Variants in NLGN1 observed in about 807,000 individuals in gnomAD.
NLGN1 encodes the protein neuroligin 1.
Under a neutral mutation model 65.5 loss-of-function variants are expected in NLGN1, and 12 were observed. That is an observed-to-expected ratio of 0.18 (90% CI 0.12 to 0.30). The LOEUF (loss-of-function observed/expected upper bound fraction) is 0.30. NLGN1 is among the 10% of genes least tolerant of loss of function. The pLI is 1.00. For synonymous variants in NLGN1, 350 were observed against 359.5 expected, an observed-to-expected ratio of 0.97 and a Z score of 0.30; for missense variants, 750 against 1,007.1, an observed-to-expected ratio of 0.74 and a Z score of 3.46.
chr3:174,233,118 A>C (rs1263349333), intron 4 of NLGN1, among the ~76,000 whole-genome samples: 2 of 152,190 alleles, frequency 1.3e-5, no homozygotes, highest in Non-Finnish European at 2.9e-5. Flanking sequence ...AGACAGGAAG[A>C]TCTTTGCACT....
At chr3:174,136,002 T>C (rs1359123618) in intron 4 of NLGN1, among the ~76,000 whole-genome samples, 2 of 152,162 alleles carry the variant, frequency 1.3e-5, no homozygotes, top group African/African-American at 4.8e-5. Context: ...TCGCTTCTTC[T>C]TTCTGCCTGA....
chr3:173,438,681 T>C (rs1718594840), intron 2 of NLGN1, among the ~76,000 whole-genome samples: 1 of 152,146 alleles, frequency 6.6e-6, no homozygotes, highest in Non-Finnish European at 1.5e-5. Context: ...TTAGGGATCA[T>C]TAATAGTCTC....
chr3:173,790,373 T>C (rs1279431078), intron 3 of NLGN1, among the ~76,000 whole-genome samples: 1 of 152,106 alleles, frequency 6.6e-6, no homozygotes, highest in Non-Finnish European at 1.5e-5. Context: ...ATTGGACAAA[T>C]TTATCATCTT....
chr3:174,004,398 A>G lies in NLGN1; in HGVS notation c.646+196566A>G, dbSNP rs142196958. 2.6e-5 allele frequency among the ~76,000 whole-genome samples: 4 copies of G among 152,226 alleles called. No homozygotes were observed. In the East Asian group the frequency reaches 7.7e-4, roughly 29 times the overall value. On this transcript the variant is annotated intron_variant, in intron 4 of 6. Coordinates refer to ENST00000457714, the Ensembl canonical transcript of NLGN1. ...TAGCTTGTTAGTATTTGTCAAGATA[A>G]TTTTGAATCTTGATTCGGTCACTTC... is the stretch of plus-strand genomic sequence containing the variant.
intron 4 of NLGN1, among the ~76,000 whole-genome samples, chr3:173,858,464 G>A (rs1049431924): frequency 2.6e-5 from 4 of 152,004 alleles, no homozygotes; most frequent in African/African-American, 7.2e-5. Flanking sequence ...TCAAGCCTAT[G>A]TAGGTTCTGG....
At chr3:174,222,313 T>TAA (rs34281910) in intron 4 of NLGN1, among the ~76,000 whole-genome samples, 109,954 of 151,774 alleles carry the variant, frequency 0.72, 39,946 homozygotes, top group East Asian at 0.81. Context: ...ATTATTTTCC[T>TAA]GTTTATTTTG....
chr3:173,653,145 G>T (rs1759480006), intron 3 of NLGN1, among the ~76,000 whole-genome samples: 1 of 152,134 alleles, frequency 6.6e-6, no homozygotes, highest in African/African-American at 2.4e-5. Flanking sequence ...CTTTTGCAAA[G>T]TCGTTAGGGT....
At chr3:173,707,373 T>G (rs1768197838) in intron 3 of NLGN1, among the ~76,000 whole-genome samples, 1 of 152,232 alleles carries the variant, frequency 6.6e-6, no homozygotes, top group African/African-American at 2.4e-5. Flanking sequence ...AACCTCAGTT[T>G]AATTCATCTG....
At chr3:174,288,894 T>A (rs1752427126), downstream of NLGN1, among the ~76,000 whole-genome samples, 1 of 151,546 alleles carries the variant, frequency 6.6e-6, no homozygotes, top group Non-Finnish European at 1.5e-5. Context: ...AAATTCTAAA[T>A]GCACTATTGT....
intron 3 of NLGN1, among the ~76,000 whole-genome samples, chr3:173,630,524 G>A (rs1399344121): frequency 1.3e-5 from 2 of 151,768 alleles, no homozygotes; most frequent in African/African-American, 2.4e-5. Context: ...AAGTGGTCTA[G>A]TATTTTTTTC....
At chr3:174,281,443 G>A (rs1751530402) in exon 7 of NLGN1, 5 of 628,236 alleles carry the variant, frequency 8.0e-6, no homozygotes, top group Admixed American at 3.1e-5. Context: ...AACTTTGGGG[G>A]TTTTGAAAAA....
chr3:173,498,509 A>G (rs951721075), intron 2 of NLGN1, among the ~76,000 whole-genome samples: 9 of 151,912 alleles, frequency 5.9e-5, no homozygotes, highest in African/African-American at 9.7e-5. Flanking sequence ...TGCCGCAATA[A>G]ACATACGTGT....
chr3:173,757,438 G>T (rs565568258), intron 3 of NLGN1, among the ~76,000 whole-genome samples: 1 of 152,012 alleles, frequency 6.6e-6, no homozygotes, highest in Non-Finnish European at 1.5e-5. Flanking sequence ...CATAGGTGAT[G>T]GTGGAGTAAA....
chr3:173,400,519 C>T (rs547468066), intron 1 of NLGN1, among the ~76,000 whole-genome samples: 2 of 152,262 alleles, frequency 1.3e-5, no homozygotes, highest in East Asian at 3.9e-4. Flanking sequence ...TTATGCTAAT[C>T]TTTCTTCATT....
chr3:173,939,528 C>T (rs1260732094), intron 4 of NLGN1, among the ~76,000 whole-genome samples: 1 of 152,086 alleles, frequency 6.6e-6, no homozygotes, highest in Non-Finnish European at 1.5e-5. Flanking sequence ...AATGATCTTC[C>T]TGAGAGGAAA....
intron 3 of NLGN1, among the ~76,000 whole-genome samples, chr3:173,745,289 A>G (rs886979633): frequency 6.6e-6 from 1 of 152,066 alleles, no homozygotes; most frequent in Non-Finnish European, 1.5e-5. Context: ...CTGAAAGAAC[A>G]TTCTTTTCCT....
intron 4 of NLGN1, among the ~76,000 whole-genome samples, chr3:173,852,698 A>G (rs1187693101): frequency 1.3e-5 from 2 of 152,196 alleles, no homozygotes; most frequent in Non-Finnish European, 2.9e-5. Flanking sequence ...AACCACTGAC[A>G]TGTTGGTTTT....
At chr3:173,513,484 C>G (rs1000273455) in intron 2 of NLGN1, among the ~76,000 whole-genome samples, 1 of 152,136 alleles carries the variant, frequency 6.6e-6, no homozygotes, top group African/African-American at 2.4e-5. Flanking sequence ...ATTTGCCTTT[C>G]TCACCAATTT....
chr3:173,447,333 A>G (rs1013986124), intron 2 of NLGN1, among the ~76,000 whole-genome samples: 1 of 152,138 alleles, frequency 6.6e-6, no homozygotes, highest in East Asian at 1.9e-4. Context: ...TCCTTTCCCC[A>G]TTGCTTGTTT....
Sources: allele counts gnomAD v4.1 joint callset (sites outside exome capture counted in the v4.1 genomes callset), GRCh38; gene constraint gnomAD v4.1.1; transcripts MANE v1.5; gene names NCBI Gene and HGNC (gene_info 2026-07-23, HGNC 2026-07-21).